TCERG1L: variants seen among roughly 807,000 people sequenced by gnomAD.
TCERG1L encodes the protein transcription elongation regulator 1-like protein.
Under a neutral mutation model 56.3 loss-of-function variants are expected in TCERG1L, and 37 were observed. The ratio of observed to expected loss-of-function variants is 0.66; its 90% confidence interval spans 0.51 to 0.87. TCERG1L has a LOEUF of 0.87. Among genes scored for constraint, TCERG1L ranks in the 40% least tolerant of loss-of-function variants. The pLI is 0.00. For missense variants in TCERG1L, 799 were observed against 774.2 expected (o/e 1.03, Z -0.38); for synonymous variants, 324 against 326.3 (o/e 0.99, Z 0.08).
intron 3 of TCERG1L, among the ~76,000 whole-genome samples, chr10:131,282,215 T>C (rs1846466695): frequency 1.3e-5 from 2 of 151,194 alleles, no homozygotes; most frequent in Admixed American, 1.3e-4. Flanking sequence ...AATCTTCACC[T>C]CTGAAAGCAC....
At chr10:131,159,253 G>A (rs188937358) in intron 6 of TCERG1L, among the ~76,000 whole-genome samples, 58 of 152,302 alleles carry the variant, frequency 3.8e-4, no homozygotes, top group Non-Finnish European at 4.4e-4. Flanking sequence ...AGCACCGTGG[G>A]CTTGACCTCT....
At chr10:131,207,688 G>A (rs924689554) in intron 4 of TCERG1L, among the ~76,000 whole-genome samples, 4 of 152,142 alleles carry the variant, frequency 2.6e-5, no homozygotes, top group Non-Finnish European at 5.9e-5. Context: ...TGAGGACAGC[G>A]CGGGCCTCTG....
At chr10:131,115,836 C>T (rs1242387087) in intron 9 of TCERG1L, among the ~76,000 whole-genome samples, 2 of 152,192 alleles carry the variant, frequency 1.3e-5, no homozygotes, top group Non-Finnish European at 2.9e-5. Context: ...TCAGCCCTAA[C>T]TAACCCTGTG....
chr10:131,233,966 G>T (rs1845880922), intron 4 of TCERG1L, among the ~76,000 whole-genome samples: 1 of 152,162 alleles, frequency 6.6e-6, no homozygotes, highest in Non-Finnish European at 1.5e-5. Flanking sequence ...ATAAAGTCAG[G>T]ATGCCTCTTG....
At chr10:131,212,541 G>A (rs1423293093) in intron 4 of TCERG1L, among the ~76,000 whole-genome samples, 1 of 152,196 alleles carries the variant, frequency 6.6e-6, no homozygotes, top group Non-Finnish European at 1.5e-5. Flanking sequence ...ATAATTAAAA[G>A]TGGAATGGTA....
intron 4 of TCERG1L, among the ~76,000 whole-genome samples, chr10:131,249,850 G>A (rs149231378): frequency 4.0e-3 from 608 of 152,202 alleles, no homozygotes; most frequent in Middle Eastern, 0.014. Flanking sequence ...AAAGCACTCC[G>A]CCTGGCAAAT....
At chr10:131,101,509 G>A (rs1290672285) in intron 10 of TCERG1L, among the ~76,000 whole-genome samples, 5 of 152,128 alleles carry the variant, frequency 3.3e-5, no homozygotes, top group Admixed American at 3.3e-4. Context: ...GTTGGTGGTG[G>A]CACACGTGGC....
chr10:131,180,837 T>TAAAAAA (rs60303602), intron 4 of TCERG1L, among the ~76,000 whole-genome samples: 4 of 150,276 alleles, frequency 2.7e-5, no homozygotes, highest in African/African-American at 7.3e-5. Context: ...AACGTTTTTG[T>TAAAAAA]AAAAAAAAAG....
chr10:131,224,597 T>C (rs1845772335), intron 4 of TCERG1L, among the ~76,000 whole-genome samples: 1 of 152,188 alleles, frequency 6.6e-6, no homozygotes, highest in East Asian at 1.9e-4. Context: ...TCCTCAGGGC[T>C]GGACTAAGCT....
intron 3 of TCERG1L, among the ~76,000 whole-genome samples, chr10:131,273,948 A>C (rs7068825): frequency 0.02 from 3,071 of 152,268 alleles, 76 homozygotes; most frequent in East Asian, 0.077. Context: ...ATTGAAAGAA[A>C]ATAATTTGTC....
chr10:131,282,935 A>AAT (rs1807632277), intron 3 of TCERG1L, among the ~76,000 whole-genome samples: 1 of 152,262 alleles, frequency 6.6e-6, no homozygotes, highest in Non-Finnish European at 1.5e-5. Flanking sequence ...TCTTGACCCT[A>AAT]ACTTTCTAAG....
intron 4 of TCERG1L, among the ~76,000 whole-genome samples, chr10:131,196,584 T>C (rs1845365803): frequency 6.6e-6 from 1 of 152,152 alleles, no homozygotes; most frequent in African/African-American, 2.4e-5. Flanking sequence ...CTATGATCAG[T>C]GCCTGGACTT....
rs778609889 is a variant in TCERG1L at position 131,308,238 on chromosome 10, C to A, written c.643G>T (p.Val215Leu). 4 of 1,613,822 alleles carry A rather than the reference C, an allele frequency of 2.5e-6. No individual in the cohort carries two copies. The highest frequency in any genetic ancestry group is 3.4e-6 in the Non-Finnish European group (4 of 1,179,826). The change falls in exon 3 of 12, where the codon GTG becomes TTG. Residue 215 changes from valine (V) to leucine (L), a missense_variant. Coordinates refer to ENST00000368642, the MANE Select transcript of TCERG1L (RefSeq NM_174937.4). ...GGGATGGGCTGAGGTGCTAACACCA[C>A]CGTGGGGAGCGGCCTGGAGGCAGGA... Reference protein sequence around the residue: ...PAPASRPLPTVVLAPQPIPGG... With the variant: ...PAPASRPLPTLVLAPQPIPGG...
At chr10:131,128,047 G>A (rs1845580403) in intron 8 of TCERG1L, among the ~76,000 whole-genome samples, 1 of 152,120 alleles carries the variant, frequency 6.6e-6, no homozygotes. Context: ...TAAAATATCA[G>A]CATATGTCTT....
rs147572054 is a variant in TCERG1L, at chr10:131,303,057, T to C, written c.670+5154A>G. On this transcript the variant is annotated intron_variant, in intron 3 of 11. Transcript: ENST00000368642. ...GGGCATTTGGGTTGGTTCCAAGTCT[T>C]TGCTATCATGAACAGTGCTGCAGTA... Among the ~76,000 whole-genome samples the C allele has an allele frequency of 4.3e-3, 659 of 152,144 alleles. 6 individuals are homozygous for C. Among genetic ancestry groups the C allele is most frequent in the Middle Eastern group, 0.027 (8 of 294 alleles).
intron 10 of TCERG1L, among the ~76,000 whole-genome samples, chr10:131,102,873 G>A (rs563857872): frequency 1.3e-5 from 2 of 152,180 alleles, no homozygotes; most frequent in Admixed American, 1.3e-4. Context: ...AGCAACAACA[G>A]GCCCCTCCTG....
intron 7 of TCERG1L, among the ~76,000 whole-genome samples, chr10:131,142,551 T>C (rs78010012): frequency 0.05 from 7,608 of 152,302 alleles, 283 homozygotes; most frequent in South Asian, 0.22. Flanking sequence ...GTGAGGTTCA[T>C]GTCATCTGCC....
rs1410352276 is a variant in TCERG1L at position 131,218,762 on chromosome 10, G to T, written c.856+41497C>A. Among the ~76,000 whole-genome samples the T allele has an allele frequency of 2.6e-5, 4 of 152,310 alleles. No individual in the cohort carries two copies. In the South Asian group the frequency reaches 8.3e-4, roughly 32 times the overall value. On this transcript the variant is annotated intron_variant, in intron 4 of 11. Transcript: ENST00000368642. ...TCCTCCGGGAAGCAGCTGGGCTGAC[G>T]TGGGGATGGAACCACGGTGCTGGCC... is the stretch of plus-strand genomic sequence containing the variant.
At chr10:131,210,719 C>G (rs1845608019) in intron 4 of TCERG1L, among the ~76,000 whole-genome samples, 1 of 152,142 alleles carries the variant, frequency 6.6e-6, no homozygotes, top group South Asian at 2.1e-4. Context: ...CTCTCCTCCT[C>G]CTCCTCCTTA....
Sources: gnomAD v4.1 joint callset for allele counts (sites outside exome capture counted in the v4.1 genomes callset) on GRCh38, gnomAD v4.1.1 for gene constraint, MANE v1.5 for transcripts, NCBI Gene and HGNC (gene_info 2026-07-23, HGNC 2026-07-21) for gene names.